The following LRRC7 variants were observed in gnomAD, a reference collection of about 807,000 sequenced individuals.
LRRC7 encodes the protein leucine-rich repeat-containing protein 7.
LRRC7 carries 23 observed loss-of-function variants against 175.7 expected under a neutral mutation model. That is an observed-to-expected ratio of 0.13 (90% CI 0.09 to 0.19). The LOEUF is 0.19. LRRC7 is among the 10% of genes least tolerant of loss of function. LRRC7 has a pLI of 1.00. For synonymous variants in LRRC7, 685 were observed against 680.9 expected, an observed-to-expected ratio of 1.01 and a Z score of -0.09; for missense variants, 1,354 against 1,904.7, an observed-to-expected ratio of 0.71 and a Z score of 5.38.
chr1:69,915,741 TA>T (rs1646666971), intron 7 of LRRC7, among the ~76,000 whole-genome samples: 1 of 152,010 alleles, frequency 6.6e-6, no homozygotes. Context: ...AGACGATCTC[TA>T]AAGCTTTTTC....
intron 1 of LRRC7, among the ~76,000 whole-genome samples, chr1:69,615,976 A>G (rs1649546584): frequency 6.6e-6 from 1 of 152,044 alleles, no homozygotes; most frequent in African/African-American, 2.4e-5. Flanking sequence ...ATCACGAATT[A>G]TGTATTACCC....
chr1:69,935,695 A>G (rs551785492), intron 8 of LRRC7, among the ~76,000 whole-genome samples: 3 of 151,984 alleles, frequency 2.0e-5, no homozygotes, highest in Non-Finnish European at 2.9e-5. Context: ...ATTTATGGAG[A>G]TCTTTGATAT....
chr1:69,870,239 T>C (rs1685384288), intron 7 of LRRC7, among the ~76,000 whole-genome samples: 1 of 152,040 alleles, frequency 6.6e-6, no homozygotes, highest in Non-Finnish European at 1.5e-5. Flanking sequence ...AAGAAATAAA[T>C]GTCAACGTGT....
intron 7 of LRRC7, among the ~76,000 whole-genome samples, chr1:69,862,174 C>T (rs1206032529): frequency 3.3e-5 from 5 of 152,072 alleles, no homozygotes; most frequent in Non-Finnish European, 7.4e-5. Flanking sequence ...TCATTTATAA[C>T]ATAAAAGAAA....
chr1:70,046,883 T>C (rs998807154), intron 22 of LRRC7, among the ~76,000 whole-genome samples: 1 of 152,128 alleles, frequency 6.6e-6, no homozygotes, highest in African/African-American at 2.4e-5. Flanking sequence ...TCTCTCCAAT[T>C]ATTCCTCCTG....
At chr1:69,842,922 G>A (rs949399148) in intron 7 of LRRC7, among the ~76,000 whole-genome samples, 1 of 152,046 alleles carries the variant, frequency 6.6e-6, no homozygotes, top group African/African-American at 2.4e-5. Context: ...GTATTGGCCA[G>A]GAGCAGTGGC....
chr1:69,740,800 T>C (rs1481096075), intron 2 of LRRC7, among the ~76,000 whole-genome samples: 1 of 152,022 alleles, frequency 6.6e-6, no homozygotes, highest in Non-Finnish European at 1.5e-5. Context: ...GAGGCAGCTT[T>C]AGACTAAACT....
At chr1:69,846,202 G>A (rs1682348021) in intron 7 of LRRC7, among the ~76,000 whole-genome samples, 1 of 152,020 alleles carries the variant, frequency 6.6e-6, no homozygotes, top group African/African-American at 2.4e-5. Context: ...TCAAACATAT[G>A]CTTTCCATAG....
intron 4 of LRRC7, among the ~76,000 whole-genome samples, chr1:69,821,518 G>A (rs1042540142): frequency 1.3e-5 from 2 of 151,910 alleles, no homozygotes; most frequent in East Asian, 1.9e-4. Flanking sequence ...GTGCCCTCTT[G>A]TAGCTTACTT....
intron 1 of LRRC7, among the ~76,000 whole-genome samples, chr1:69,606,235 T>A (rs1381043994): frequency 6.6e-6 from 1 of 152,114 alleles, no homozygotes; most frequent in Admixed American, 6.6e-5. Context: ...GAACAGCATA[T>A]CTTTAGAGCT....
Position 69,622,553 on chromosome 1 carries a change from G to T in LRRC7, c.2+53912G>T, listed in dbSNP as rs554387564. Among the ~76,000 whole-genome samples the T allele has an allele frequency of 5.9e-5, 9 of 152,258 alleles. No homozygotes were observed. In the East Asian group the frequency reaches 1.7e-3, roughly 29 times the overall value. On this transcript the variant is annotated intron_variant, in intron 1 of 26. Transcript: ENST00000651989. ...TAGACTTTATATATTGACATACAAA[G>T]ATGTAGAACTCTTAGGAAGTACTGG...
At chr1:69,721,234 T>G (rs1250399116) in intron 2 of LRRC7, among the ~76,000 whole-genome samples, 1 of 151,906 alleles carries the variant, frequency 6.6e-6, no homozygotes, top group Admixed American at 6.6e-5. Context: ...TAGTTATTAC[T>G]CAAAGTCTGT....
intron 11 of LRRC7, among the ~76,000 whole-genome samples, chr1:70,002,563 C>G (rs1002492648): frequency 1.3e-5 from 2 of 152,152 alleles, no homozygotes; most frequent in African/African-American, 4.8e-5. Context: ...TGGATCATGT[C>G]TTGAACATTT....
At position 69,872,411 on chromosome 1, in the gene LRRC7, A is replaced by T. The variant is rs143917282; in HGVS notation, c.647+34128A>T. Reference sequence around the variant, plus strand: ...CTGTCATGACTTATGATCATTTGTTACTCTACAGTATATCAAATATAATGG... The same window carrying T: ...CTGTCATGACTTATGATCATTTGTTTCTCTACAGTATATCAAATATAATGG... On this transcript the variant is annotated intron_variant, in intron 7 of 26. Transcript: ENST00000651989. 3.2e-3 allele frequency among the ~76,000 whole-genome samples: 492 copies of T among 152,076 alleles called. 1 individual carries two copies. Among genetic ancestry groups the T allele is most frequent in the African/African-American group, 0.011 (443 of 41,540 alleles).
intron 17 of LRRC7, among the ~76,000 whole-genome samples, chr1:70,025,331 A>G (rs1393714742): frequency 1.3e-5 from 2 of 151,432 alleles, no homozygotes; most frequent in African/African-American, 4.8e-5. Context: ...ATTAATAATA[A>G]ATTAAATATC....
chr1:69,997,908 G>C (rs1033336572), intron 11 of LRRC7, among the ~76,000 whole-genome samples: 1 of 152,084 alleles, frequency 6.6e-6, no homozygotes, highest in Non-Finnish European at 1.5e-5. Flanking sequence ...GGATGATGCT[G>C]GCCTCATAAA....
rs113959341 is a variant in LRRC7 at position 69,693,217 on chromosome 1, A to T, written c.100+14739A>T. Among the ~76,000 whole-genome samples the T allele has an allele frequency of 7.1e-3, 1,076 of 152,286 alleles. 18 individuals carry two copies. The highest frequency in any genetic ancestry group is 0.024 in the African/African-American group (1,011 of 41,558). On this transcript the variant is annotated intron_variant, in intron 2 of 26. Coordinates refer to ENST00000651989, the MANE Select transcript of LRRC7 (RefSeq NM_001370785.2). ...CTTTCTATATAAATTGATAGATTAG[A>T]TATAGATATAGATGATATAGACATC...
rs184870134 is a variant in LRRC7, at chr1:69,969,828, A to G, written c.712-10551A>G. Among the ~76,000 whole-genome samples, 7 of 152,276 alleles carry G rather than the reference A, an allele frequency of 4.6e-5. No homozygotes were observed. The South Asian group carries it at 1.2e-3, about 27-fold the overall frequency. ...TCTACCCAACAACCACAGAATGTAC[A>G]TTCTATTCAACAGCGCATGGAACTT... On this transcript the variant is annotated intron_variant, in intron 8 of 26. Coordinates refer to ENST00000651989, the MANE Select transcript of LRRC7 (RefSeq NM_001370785.2).
rs1360962566 is a variant in LRRC7, at chr1:70,132,389, C to T, written c.*10502C>T. On this transcript the variant is annotated 3_prime_UTR_variant, in exon 27 of 27. Coordinates refer to ENST00000651989, the MANE Select transcript of LRRC7 (RefSeq NM_001370785.2). Reference sequence around the variant, plus strand: ...GCTTTAGTCATACAACTTCTCAGAACAAGGAAAAAAGTTATCTCATTTTTA... The same window carrying T: ...GCTTTAGTCATACAACTTCTCAGAATAAGGAAAAAAGTTATCTCATTTTTA... 2.0e-5 allele frequency: 3 copies of T among 151,394 alleles called. No homozygotes were observed. Among genetic ancestry groups the T allele is most frequent in the Non-Finnish European group, 1.5e-5 (1 of 68,024 alleles). The allele number at this position is 151,394 out of a possible 1,614,324, so 9.4% of individuals were successfully genotyped here.
Sources: gnomAD v4.1 joint callset for allele counts (sites outside exome capture counted in the v4.1 genomes callset) on GRCh38, gnomAD v4.1.1 for gene constraint, MANE v1.5 for transcripts, NCBI Gene and HGNC (gene_info 2026-07-23, HGNC 2026-07-21) for gene names.